MTUS2: variants seen among roughly 807,000 people sequenced by gnomAD.
The protein encoded by MTUS2 is microtubule-associated tumor suppressor candidate 2.
A neutral mutation model predicts 114.1 loss-of-function variants in MTUS2; 40 were observed. The observed-to-expected ratio is 0.35, with a 90% CI of 0.27 to 0.46. MTUS2 has a LOEUF of 0.46. MTUS2 is among the 20% of genes least tolerant of loss of function. MTUS2 has a pLI of 1.00. For synonymous variants in MTUS2, 688 were observed against 672.0 expected (o/e 1.02, Z -0.37); for missense variants, 1,679 against 1,705.4 (o/e 0.98, Z 0.27).
intron 8 of MTUS2, among the ~76,000 whole-genome samples, chr13:29,366,492 GA>G (rs1222818575): frequency 1.3e-5 from 2 of 152,196 alleles, no homozygotes; most frequent in East Asian, 3.9e-4. Context: ...TTAAATACCA[GA>G]AAATCATCGC....
chr13:28,945,821 G>C (rs892847293), intron 2 of MTUS2, among the ~76,000 whole-genome samples: 6 of 152,142 alleles, frequency 3.9e-5, no homozygotes, highest in African/African-American at 1.4e-4. Flanking sequence ...AAACTTTATA[G>C]TGTGAGTCCC....
intron 5 of MTUS2, among the ~76,000 whole-genome samples, chr13:29,235,291 C>T (rs1193886951): frequency 6.6e-6 from 1 of 152,076 alleles, no homozygotes; most frequent in Non-Finnish European, 1.5e-5. Context: ...TGGGGTTTCT[C>T]CATGTTGGTC....
chr13:29,220,973 G>A (rs1895884748), intron 5 of MTUS2, among the ~76,000 whole-genome samples: 1 of 152,162 alleles, frequency 6.6e-6, no homozygotes, highest in African/African-American at 2.4e-5. Flanking sequence ...TTATCCTATT[G>A]ATAGTCCCAT....
At chr13:29,062,674 G>A (rs1413373920) in intron 4 of MTUS2, among the ~76,000 whole-genome samples, 2 of 151,956 alleles carry the variant, frequency 1.3e-5, no homozygotes, top group Non-Finnish European at 2.9e-5. Context: ...CTTAGATATC[G>A]GGAATAATTT....
intron 2 of MTUS2, among the ~76,000 whole-genome samples, chr13:28,873,729 G>T (rs1189909104): frequency 6.6e-6 from 1 of 152,196 alleles, no homozygotes; most frequent in Non-Finnish European, 1.5e-5. Context: ...ACATGCATTG[G>T]TAATGACTGG....
chr13:29,300,614 A>G (rs1320631242), intron 6 of MTUS2, among the ~76,000 whole-genome samples: 2 of 151,558 alleles, frequency 1.3e-5, no homozygotes, highest in Non-Finnish European at 2.9e-5. Context: ...ATTTCTTTTC[A>G]GACTTATATA....
chr13:29,089,250 T>G (rs963391950), intron 4 of MTUS2, among the ~76,000 whole-genome samples: 1 of 152,240 alleles, frequency 6.6e-6, no homozygotes, highest in African/African-American at 2.4e-5. Context: ...TTGTTGGAAC[T>G]TCTTTTCTTT....
intron 8 of MTUS2, among the ~76,000 whole-genome samples, chr13:29,397,674 CCAGT>C (rs1202747782): frequency 6.6e-6 from 1 of 152,220 alleles, no homozygotes; most frequent in African/African-American, 2.4e-5. Context: ...AAGCAGACCT[CCAGT>C]CATAGGTGGA....
intron 5 of MTUS2, among the ~76,000 whole-genome samples, chr13:29,163,318 CT>C (rs1177666726): frequency 2.0e-5 from 3 of 152,160 alleles, no homozygotes; most frequent in Non-Finnish European, 4.4e-5. Flanking sequence ...CTCCCGTCCC[CT>C]CGGCAGGGGT....
chr13:29,103,334 G>T (rs1453640443), intron 5 of MTUS2, among the ~76,000 whole-genome samples: 2 of 152,176 alleles, frequency 1.3e-5, no homozygotes, highest in African/African-American at 4.8e-5. Context: ...AGGCAATATG[G>T]TATAGCCTTG....
In MTUS2 at chr13:29,504,299, C is replaced by T. The variant is rs897428369; in HGVS notation, c.*1093C>T. On this transcript the variant is annotated 3_prime_UTR_variant, in exon 16 of 16. Coordinates refer to ENST00000612955, the MANE Select transcript of MTUS2 (RefSeq NM_001033602.4). Reference sequence around the variant, plus strand: ...CTCTTTGAAATAGGACCCTCAGGCCCCCATTTCCTAGCAGCCCCCCTTCAG... The same window carrying T: ...CTCTTTGAAATAGGACCCTCAGGCCTCCATTTCCTAGCAGCCCCCCTTCAG... The T allele has an allele frequency of 1.2e-4, 27 of 232,338 alleles. No individual in the cohort carries two copies. Among genetic ancestry groups the T allele is most frequent in the Non-Finnish European group, 1.9e-4 (22 of 117,326 alleles). The allele number at this position is 232,338 out of a possible 1,614,324, so 14.4% of individuals were successfully genotyped here. A position where few individuals can be genotyped will look rare whatever the true frequency, so the allele number is the denominator to read the frequency against.
At chr13:29,072,376 A>G (rs541553290) in intron 4 of MTUS2, among the ~76,000 whole-genome samples, 1 of 152,306 alleles carries the variant, frequency 6.6e-6, no homozygotes, top group African/African-American at 2.4e-5. Context: ...GCCAAAATCT[A>G]GTCAACAAAA....
intron 2 of MTUS2, among the ~76,000 whole-genome samples, chr13:28,991,628 A>G (rs1402561593): frequency 1.3e-5 from 2 of 152,116 alleles, no homozygotes; most frequent in African/African-American, 4.8e-5. Context: ...TCGGCCTCCC[A>G]AAGTGCTGGG....
intron 5 of MTUS2, among the ~76,000 whole-genome samples, chr13:29,193,899 C>T (rs1023980865): frequency 3.3e-5 from 5 of 152,062 alleles, no homozygotes; most frequent in South Asian, 2.1e-4. Context: ...AACAGAGATA[C>T]AGATCAATGG....
intron 8 of MTUS2, among the ~76,000 whole-genome samples, chr13:29,420,476 C>A (rs558613882): frequency 1.8e-3 from 270 of 152,228 alleles, no homozygotes; most frequent in African/African-American, 6.0e-3. Context: ...GAGGGTTTCA[C>A]CATGTTGGCC....
At chr13:29,263,877 T>C (rs1035842439) in intron 5 of MTUS2, among the ~76,000 whole-genome samples, 5 of 152,110 alleles carry the variant, frequency 3.3e-5, no homozygotes, top group Non-Finnish European at 5.9e-5. Flanking sequence ...CCAAACCATA[T>C]CATCCCACCC....
chr13:29,179,723 C>T (rs1893920373), intron 5 of MTUS2, among the ~76,000 whole-genome samples: 1 of 152,116 alleles, frequency 6.6e-6, no homozygotes, highest in Non-Finnish European at 1.5e-5. Context: ...CAACATTATT[C>T]TGGTAGGTAC....
At chr13:28,871,456 A>G (rs995431722) in intron 2 of MTUS2, among the ~76,000 whole-genome samples, 5 of 152,160 alleles carry the variant, frequency 3.3e-5, no homozygotes, top group Non-Finnish European at 7.4e-5. Flanking sequence ...TTATAAGATG[A>G]TAATGGATAG....
chr13:29,154,017 C>T (rs1038726923), intron 5 of MTUS2, among the ~76,000 whole-genome samples: 3 of 152,156 alleles, frequency 2.0e-5, no homozygotes, highest in African/African-American at 7.2e-5. Context: ...TGTCCCTGTT[C>T]AGAAGGTGTT....
Sources: allele counts gnomAD v4.1 joint callset (sites outside exome capture counted in the v4.1 genomes callset), GRCh38; gene constraint gnomAD v4.1.1; transcripts MANE v1.5; gene names NCBI Gene and HGNC (gene_info 2026-07-23, HGNC 2026-07-21).